Variants in GPR183 observed in about 807,000 individuals in gnomAD.
GPR183 encodes the protein EBV-induced G-protein coupled receptor 2.
Under a neutral mutation model 19.7 loss-of-function variants are expected in GPR183, and 9 were observed. That is an observed-to-expected ratio of 0.46 (90% CI 0.28 to 0.80). The LOEUF (loss-of-function observed/expected upper bound fraction) is 0.80, where lower values mean the gene tolerates loss of function less well. Among genes scored for constraint, GPR183 ranks in the 30% least tolerant of loss-of-function variants. The pLI, the probability that GPR183 is intolerant of heterozygous loss-of-function variation, is 0.13. For missense variants in GPR183, 368 were observed against 446.7 expected (o/e 0.82, Z 1.59); for synonymous variants, 160 against 155.1 (o/e 1.03, Z -0.24).
At position 99,298,133 on chromosome 13, in the gene GPR183, A is replaced by G. The variant is rs530728038; in HGVS notation, c.-18-1970T>C. On this transcript the variant is annotated intron_variant, in intron 1 of 1. Coordinates refer to ENST00000376414, the MANE Select transcript of GPR183 (RefSeq NM_004951.5). Reference sequence around the variant, plus strand: ...CACAACCATGGTGGGAGATCTTAACACATTTCTATTATGATGTGCTAGATA... The same window carrying G: ...CACAACCATGGTGGGAGATCTTAACGCATTTCTATTATGATGTGCTAGATA... 3.6e-4 allele frequency among the ~76,000 whole-genome samples: 55 copies of G among 152,320 alleles called. No homozygotes were observed. The South Asian group carries it at 0.01, about 28-fold the overall frequency.
chr13:99,302,012 C>T (rs1336477738), intron 1 of GPR183, among the ~76,000 whole-genome samples: 2 of 152,150 alleles, frequency 1.3e-5, no homozygotes, highest in African/African-American at 2.4e-5. Context: ...TCAAGTTGTG[C>T]TGAGATGATC....
Position 99,295,275 on chromosome 13 carries a change from G to T in GPR183, c.871C>A (p.His291Asn). The change falls in exon 2 of 2, where the codon CAC becomes AAC. Residue 291 changes from histidine to asparagine, a missense_variant. Transcript: ENST00000376414. The surrounding 1 kb of genome is among the most constrained non-coding windows in gnomAD (Gnocchi z 4.1). ...SQRHSFQISL[H>N]FTVCLMNFNC... ...AAGTTCATCAGGCATACTGTAAAGT[G>T]CAGAGAAATCTGGAACGAATGTCTT... 6.2e-7 allele frequency: 1 copy of T among 1,614,168 alleles called. No individual in the cohort carries two copies. The highest frequency in any genetic ancestry group is 2.2e-5 in the East Asian group (1 of 44,872).
intron 1 of GPR183, among the ~76,000 whole-genome samples, chr13:99,302,657 T>G (rs2044273494): frequency 6.6e-6 from 1 of 152,188 alleles, no homozygotes; most frequent in African/African-American, 2.4e-5. Flanking sequence ...ATTATGGGTG[T>G]TGTTTGCCTG....
rs2044263447 is a variant in GPR183, at chr13:99,301,955, C to A, written c.-19+5385G>T. 2.0e-5 allele frequency among the ~76,000 whole-genome samples: 3 copies of A among 152,204 alleles called. No homozygotes were observed. The South Asian group carries it at 6.2e-4, about 32-fold the overall frequency. ...AACACCTTGAATGAAAAGGGGCTTA[C>A]CTAGGAATTCTGTTTAATTGTAGCC... On this transcript the variant is annotated intron_variant, in intron 1 of 1. Transcript: ENST00000376414.
intron 1 of GPR183, among the ~76,000 whole-genome samples, chr13:99,304,168 C>T (rs1433555931): frequency 3.3e-5 from 5 of 152,200 alleles, no homozygotes; most frequent in East Asian, 1.9e-4. Flanking sequence ...TTCCCCTGAT[C>T]GTGGCCTGGC....
chr13:99,300,682 T>C (rs184403399), intron 1 of GPR183, among the ~76,000 whole-genome samples: 42 of 152,332 alleles, frequency 2.8e-4, no homozygotes, highest in African/African-American at 1.0e-3. Flanking sequence ...AATACAGAGA[T>C]GGTACCTTTT....
chr13:99,295,945 G>T lies in GPR183; in HGVS notation c.201C>A (p.Thr67=). The change falls in exon 2 of 2, where the codon ACC becomes ACA. Residue 67 remains threonine, a synonymous_variant. Transcript: ENST00000376414. This position sits in a 1 kb window ranked among gnomAD's most constrained non-coding sequence, Gnocchi z 4.1. ...AAATCACCAAATTTGTTGAATAGAG[G>T]GTGGTAGAGTTGATTTTTTTCCTGT... ...VQNRKKINST[T]LYSTNLVISD... The T allele has an allele frequency of 6.2e-7, 1 of 1,613,976 alleles. No homozygotes were observed. The highest frequency in any genetic ancestry group is 1.1e-5 in the South Asian group (1 of 91,066).
intron 1 of GPR183, among the ~76,000 whole-genome samples, chr13:99,299,462 GCACA>G (rs10622782): frequency 1.3e-5 from 2 of 150,862 alleles, no homozygotes; most frequent in East Asian, 3.9e-4. Flanking sequence ...ACACACACAC[GCACA>G]CACACACACA....
intron 1 of GPR183, among the ~76,000 whole-genome samples, chr13:99,304,784 G>A (rs1394589671): frequency 6.6e-6 from 1 of 152,154 alleles, no homozygotes. Flanking sequence ...TAAATGTTAG[G>A]ATTCAGACCC....
At chr13:99,301,965 C>A (rs559803764) in intron 1 of GPR183, among the ~76,000 whole-genome samples, 14 of 152,220 alleles carry the variant, frequency 9.2e-5, no homozygotes, top group African/African-American at 3.4e-4. Flanking sequence ...CCTAGGAATT[C>A]TGTTTAATTG....
At chr13:99,296,267 A>G (rs1475257556) in intron 1 of GPR183, 104 bp from the exon 2 acceptor site, 1 of 878,816 alleles carries the variant, frequency 1.1e-6, no homozygotes, top group East Asian at 2.9e-5. Context: ...AGCAATCCAA[A>G]CTGTCTTTTA....
Position 99,295,689 on chromosome 13 carries a change from T to G in GPR183, c.457A>C (p.Ile153Leu). The G allele has an allele frequency of 3.7e-6, 6 of 1,614,176 alleles. No homozygotes were observed. Among genetic ancestry groups the G allele is most frequent in the Non-Finnish European group, 5.1e-6 (6 of 1,180,036 alleles). ...GCAAATACTAGAATCCAGACAAATA[T>G]GCACACGCCTTTTGCATGTTCAATC... ...KRIEHAKGVC[I>L]FVWILVFAQT... is the part of the protein sequence containing the mutation. The change falls in exon 2 of 2, where the codon ATA (isoleucine) becomes CTA (leucine). Residue 153 changes from isoleucine to leucine, a missense_variant. Coordinates refer to ENST00000376414, the MANE Select transcript of GPR183 (RefSeq NM_004951.5). The surrounding 1 kb of genome is among the most constrained non-coding windows in gnomAD (Gnocchi z 4.1).
chr13:99,302,802 G>A (rs553461008), intron 1 of GPR183, among the ~76,000 whole-genome samples: 2 of 152,296 alleles, frequency 1.3e-5, no homozygotes, highest in South Asian at 4.1e-4. Flanking sequence ...TTAATAATAC[G>A]CTGCTAACCA....
chr13:99,300,280 C>T (rs1270794832), intron 1 of GPR183, among the ~76,000 whole-genome samples: 5 of 152,082 alleles, frequency 3.3e-5, no homozygotes, highest in Admixed American at 6.5e-5. Flanking sequence ...AGAATGTGGA[C>T]GTGTAAGTGG....
In GPR183 at chr13:99,307,353, G is replaced by A. The variant is rs1464302705; in HGVS notation, c.-32C>T. On this transcript the variant is annotated 5_prime_UTR_variant, in exon 1 of 2. In the 5' UTR this introduces an upstream ATG that the reference lacks. Transcript: ENST00000376414. Reference sequence around the variant, plus strand: ...TCTTGTACTTACATATCAGTGACTCGTTCGGGTCTCTGTGTAGTAGCTGTG... The same window carrying A: ...TCTTGTACTTACATATCAGTGACTCATTCGGGTCTCTGTGTAGTAGCTGTG... 1.3e-5 allele frequency: 2 copies of A among 152,066 alleles called. No homozygotes were observed. Among genetic ancestry groups the A allele is most frequent in the Non-Finnish European group, 2.9e-5 (2 of 68,008 alleles). The allele number at this position is 152,066 out of a possible 1,614,324, so 9.4% of individuals were successfully genotyped here.
chr13:99,305,927 G>A (rs149690394), intron 1 of GPR183, among the ~76,000 whole-genome samples: 131 of 152,130 alleles, frequency 8.6e-4, no homozygotes, highest in African/African-American at 2.9e-3. Context: ...ACAGAGTCTC[G>A]CATGGTCGCC....
In GPR183 at chr13:99,295,622, T is replaced by C. The variant is rs1219853784; in HGVS notation, c.524A>G (p.Glu175Gly). ...PLLINPMSKQ[E>G]AERITCMEYP... ...CTCCATGCATGTAATCCTTTCAGCC[T>C]CCTGCTTTGACATAGGGTTGATGAG... Residue 175 changes from glutamate to glycine, a missense_variant, in exon 2 of 2, where the codon GAG becomes GGG. Transcript: ENST00000376414. The surrounding 1 kb of genome is among the most constrained non-coding windows in gnomAD (Gnocchi z 4.1). 6.2e-7 allele frequency: 1 copy of C among 1,614,176 alleles called. No individual in the cohort carries two copies. The highest frequency in any genetic ancestry group is 2.2e-5 in the East Asian group (1 of 44,886).
At chr13:99,305,916 GAC>G (rs367799941) in intron 1 of GPR183, among the ~76,000 whole-genome samples, 3 of 150,818 alleles carry the variant, frequency 2.0e-5, no homozygotes, top group African/African-American at 7.4e-5. Context: ...TATCTATCGA[GAC>G]AGAGTCTCGC....
At position 99,295,210 on chromosome 13, in the gene GPR183, A is replaced by G. The variant is rs1426134688; in HGVS notation, c.936T>C (p.Cys312=). Residue 312 remains cysteine (C), a synonymous_variant, in exon 2 of 2, where the codon TGT becomes TGC. Coordinates refer to ENST00000376414, the MANE Select transcript of GPR183 (RefSeq NM_004951.5). The surrounding 1 kb of genome is among the most constrained non-coding windows in gnomAD (Gnocchi z 4.1). Reference sequence around the variant, plus strand: ...TCATAACCTTTCTCTTATACCCTTTACATGCAAAGAAGTAGATAAAAGGGT... The same window carrying G: ...TCATAACCTTTCTCTTATACCCTTTGCATGCAAAGAAGTAGATAAAAGGGT... ...CMDPFIYFFA[C]KGYKRKVMRM... is the part of the protein sequence containing the mutation. The G allele has an allele frequency of 2.5e-6, 4 of 1,614,120 alleles. No individual in the cohort carries two copies. Among genetic ancestry groups the G allele is most frequent in the Non-Finnish European group, 3.4e-6 (4 of 1,179,994 alleles).
Sources: gnomAD v4.1 joint callset for allele counts (sites outside exome capture counted in the v4.1 genomes callset) on GRCh38, gnomAD v4.1.1 for gene constraint, Gnocchi (gnomAD v3.1) non-coding constraint, MANE v1.5 for transcripts, NCBI Gene and HGNC (gene_info 2026-07-23, HGNC 2026-07-21) for gene names.